Variants in NBPF8 observed in about 807,000 individuals in gnomAD.
The protein encoded by NBPF8 is NBPF family member NBPF8.
chr1:120,464,632 G>C, intron 23 of NBPF8, 84 bp downstream of exon 21: 1 of 755,126 alleles, frequency 1.3e-6, no homozygotes, highest in Non-Finnish European at 2.4e-6. Flanking sequence ...GGCCATTACT[G>C]AGCTGAGAGA....
At chr1:120,435,853 G>A (rs1365542217), upstream of NBPF8, among the ~76,000 whole-genome samples, 1 of 150,928 alleles carries the variant, frequency 6.6e-6, no homozygotes, top group Non-Finnish European at 1.5e-5. Flanking sequence ...GAGACAGAGT[G>A]AGACTCTGTC....
intron 3 of NBPF8, among the ~76,000 whole-genome samples, chr1:120,428,817 TAGAA>T (rs1295032296): frequency 6.6e-6 from 1 of 151,000 alleles, no homozygotes; most frequent in African/African-American, 2.5e-5. Context: ...TATGTCAAAT[TAGAA>T]AGGCATGAAA....
At chr1:120,431,770 G>A (rs1333893396), upstream of NBPF8, among the ~76,000 whole-genome samples, 4 of 151,792 alleles carry the variant, frequency 2.6e-5, no homozygotes, top group African/African-American at 9.7e-5. Context: ...CCATTCCTAG[G>A]AATTTACACA....
chr1:120,433,129 A>G (rs1308502747), upstream of NBPF8: 1 of 152,254 alleles, frequency 6.6e-6, no homozygotes, highest in Non-Finnish European at 1.5e-5. Flanking sequence ...TTTTGTTAGC[A>G]TATTACATCA....
chr1:120,432,145 C>G (rs1469495034), upstream of NBPF8: 14 of 144,604 alleles, frequency 9.7e-5, no homozygotes, highest in Non-Finnish European at 1.6e-4. Context: ...CTTATCTTGT[C>G]TCCTGCTAAA....
intron 3 of NBPF8, among the ~76,000 whole-genome samples, 192 bp downstream of exon 3, chr1:120,428,039 T>G (rs1170776241): frequency 6.6e-6 from 1 of 152,250 alleles, no homozygotes; most frequent in Non-Finnish European, 1.5e-5. Context: ...TTTATGGGCA[T>G]TCTTTATTGC....
chr1:120,451,215 C>G, exon 12 of NBPF8: 1 of 1,576,394 alleles, frequency 6.3e-7, no homozygotes, highest in East Asian at 2.3e-5. Context: ...AAAATCTATG[C>G]TGAGGAATGA....
chr1:120,419,371 C>T (rs1405157924), upstream of NBPF8, among the ~76,000 whole-genome samples: 1 of 152,194 alleles, frequency 6.6e-6, no homozygotes, highest in Non-Finnish European at 1.5e-5. Context: ...GCATTAACTA[C>T]ACCCACACAC....
At chr1:120,463,135 C>CA (rs1164098110) in intron 21 of NBPF8, among the ~76,000 whole-genome samples, 169 bp downstream of exon 19, 1 of 151,442 alleles carries the variant, frequency 6.6e-6, no homozygotes, top group Non-Finnish European at 1.5e-5. Flanking sequence ...GAAGCCTAGA[C>CA]ATGAAATGGG....
At position 120,442,847 on chromosome 1, in the gene NBPF8, G is replaced by A; in HGVS notation, n.955G>A. The A allele has an allele frequency of 3.2e-5, 5 of 154,152 alleles. 1 individual carries two copies. Among genetic ancestry groups the A allele is most frequent in the East Asian group, 1.9e-4 (2 of 10,638 alleles). The allele number at this position is 154,152 out of a possible 1,614,324, so 9.5% of individuals were successfully genotyped here. ...TTGCCTTTCTTCTCCCCAGTCCCTG[G>A]CCCCACCTCTTCTGCCACAAACGTC... On this transcript the variant is annotated non_coding_transcript_exon_variant, in exon 6 of 25. Coordinates refer to ENST00000583271, the Ensembl canonical transcript of NBPF8.
upstream of NBPF8, chr1:120,433,032 A>C (rs1660928632): frequency 6.6e-6 from 1 of 152,222 alleles, no homozygotes; most frequent in Non-Finnish European, 1.5e-5. Flanking sequence ...GCAATGAAGC[A>C]GGTACAAGGC....
chr1:120,466,046 C>T (rs1198390136), exon 25 of NBPF8: 19 of 1,611,816 alleles, frequency 1.2e-5, no homozygotes, highest in African/African-American at 5.3e-5. Context: ...AGATGTTATT[C>T]GACTCCATCA....
At chr1:120,468,937 T>A (rs1358235864), downstream of NBPF8, among the ~76,000 whole-genome samples, 1 of 152,038 alleles carries the variant, frequency 6.6e-6, no homozygotes, top group Non-Finnish European at 1.5e-5. Flanking sequence ...CTAGCCCTGG[T>A]GTTTAGGGGC....
chr1:120,464,493 A>T (rs1661688225), exon 23 of NBPF8: 2 of 1,137,312 alleles, frequency 1.8e-6, no homozygotes, highest in East Asian at 4.7e-5. Context: ...AGCCGTATGG[A>T]AGTTCCTTTT....
At chr1:120,415,551 C>T (rs1344096288), upstream of NBPF8, among the ~76,000 whole-genome samples, 1 of 152,176 alleles carries the variant, frequency 6.6e-6, no homozygotes, top group Non-Finnish European at 1.5e-5. Context: ...GAGGGACGAG[C>T]AGCTTCGGGG....
At position 120,460,632 on chromosome 1, in the gene NBPF8, T is replaced by G; in HGVS notation, n.2836+8T>G. The G allele has an allele frequency of 1.6e-6, 2 of 1,221,432 alleles. No individual in the cohort carries two copies. Among genetic ancestry groups the G allele is most frequent in the Non-Finnish European group, 2.4e-6 (2 of 835,758 alleles). 75.7% of individuals were successfully genotyped at this position (1,221,432 alleles called of 1,614,324 possible). A position where few individuals can be genotyped will look rare whatever the true frequency, so the allele number is the denominator to read the frequency against. On this transcript the variant is annotated splice_region_variant and intron_variant and non_coding_transcript_variant, in intron 18 of 24. Transcript: ENST00000583271. ...AGAGGCAACAGGTCCCAGGTGAGTC[T>G]GAGAAATTGTGGACAGTTAATTTGA...
chr1:120,430,989 G>GA (rs748840123), intron 3 of NBPF8, among the ~76,000 whole-genome samples: 3 of 151,230 alleles, frequency 2.0e-5, no homozygotes, highest in Non-Finnish European at 4.4e-5. Flanking sequence ...AAATTTACAA[G>GA]ATGATTCTAC....
chr1:120,424,690 C>T (rs1209371411), intron 1 of NBPF8, among the ~76,000 whole-genome samples: 1 of 146,606 alleles, frequency 6.8e-6, no homozygotes, highest in Non-Finnish European at 1.5e-5. Flanking sequence ...TCAAGTGATC[C>T]ACCTGCCTTG....
exon 3 of NBPF8, among the ~76,000 whole-genome samples, chr1:120,427,811 C>A (rs1282061181): frequency 2.8e-5 from 4 of 142,766 alleles, no homozygotes; most frequent in East Asian, 2.0e-4. Context: ...CAAGAAGCAG[C>A]CGCCAGTTGG....
Sources: gnomAD v4.1 joint callset for allele counts (sites outside exome capture counted in the v4.1 genomes callset) on GRCh38, gnomAD v4.1.1 for gene constraint, MANE v1.5 for transcripts, NCBI Gene and HGNC (gene_info 2026-07-23, HGNC 2026-07-21) for gene names.